The following VPS54 variants were observed in gnomAD, a reference collection of about 807,000 sequenced individuals.
The protein encoded by VPS54 is VPS54 subunit of GARP complex.
VPS54 carries 45 observed loss-of-function variants against 121.5 expected under a neutral mutation model. The observed-to-expected ratio is 0.37, with a 90% CI of 0.29 to 0.47. The LOEUF (loss-of-function observed/expected upper bound fraction) is 0.47. Among genes scored for constraint, VPS54 ranks in the 20% least tolerant of loss-of-function variants. The probability of loss-of-function intolerance (pLI) is 0.99; values close to 1 mark genes in which losing one functional copy is unlikely to be tolerated. For missense variants in VPS54, 1,090 were observed against 1,131.4 expected, an observed-to-expected ratio of 0.96 and a Z score of 0.52; for synonymous variants, 371 against 385.8, an observed-to-expected ratio of 0.96 and a Z score of 0.45.
intron 1 of VPS54, among the ~76,000 whole-genome samples, chr2:63,993,774 G>A (rs544992635): frequency 3.9e-5 from 6 of 152,214 alleles, no homozygotes; most frequent in Admixed American, 2.6e-4. Flanking sequence ...GTGGTCCCTC[G>A]ATTGACCAAA....
At chr2:64,008,913 C>T (rs1678296580) in intron 1 of VPS54, among the ~76,000 whole-genome samples, 1 of 152,096 alleles carries the variant, frequency 6.6e-6, no homozygotes, top group Non-Finnish European at 1.5e-5. Flanking sequence ...TCAAAATAAC[C>T]TAGTAAGAAA....
chr2:63,967,841 CT>C (rs1676080694), intron 5 of VPS54, among the ~76,000 whole-genome samples: 1 of 151,534 alleles, frequency 6.6e-6, no homozygotes, highest in South Asian at 2.1e-4. Flanking sequence ...CAATTATCTT[CT>C]GTTGGAAAGA....
At chr2:63,917,543 C>G (rs1673441196) in intron 15 of VPS54, among the ~76,000 whole-genome samples, 1 of 151,942 alleles carries the variant, frequency 6.6e-6, no homozygotes, top group South Asian at 2.1e-4. Flanking sequence ...GTGAAAAGAA[C>G]AGTGGACTGG....
At chr2:63,992,211 G>C (rs998249116) in intron 1 of VPS54, among the ~76,000 whole-genome samples, 8 of 152,210 alleles carry the variant, frequency 5.3e-5, no homozygotes, top group Non-Finnish European at 1.0e-4. Context: ...ACGTGGCCCT[G>C]GAAGGGGCTC....
chr2:63,994,495 G>A (rs964233848), intron 1 of VPS54, among the ~76,000 whole-genome samples: 15 of 152,232 alleles, frequency 9.9e-5, no homozygotes, highest in Admixed American at 5.2e-4. Flanking sequence ...ACAGATGACC[G>A]TTGCCCCGCT....
chr2:63,961,550 A>G (rs1265650348), intron 7 of VPS54, among the ~76,000 whole-genome samples: 1 of 152,212 alleles, frequency 6.6e-6, no homozygotes, highest in African/African-American at 2.4e-5. Flanking sequence ...TTCATATAAA[A>G]TATTTAAAAC....
intron 1 of VPS54, among the ~76,000 whole-genome samples, chr2:63,986,248 C>T (rs912367452): frequency 2.6e-5 from 4 of 152,082 alleles, no homozygotes. Context: ...ACCTATTAAC[C>T]ACCACTACCT....
chr2:63,961,060 A>G (rs895428370), intron 7 of VPS54, among the ~76,000 whole-genome samples: 3 of 152,188 alleles, frequency 2.0e-5, no homozygotes, highest in Admixed American at 6.5e-5. Flanking sequence ...ATTACACTAT[A>G]TCATAACTAT....
At chr2:64,018,284 G>T (rs575270172) in intron 1 of VPS54, among the ~76,000 whole-genome samples, 2 of 152,234 alleles carry the variant, frequency 1.3e-5, no homozygotes, top group Admixed American at 1.3e-4. Flanking sequence ...CAGTCAAAAT[G>T]CTAAAAATAC....
chr2:63,892,762 G>T lies in VPS54; in HGVS notation c.*668C>A, dbSNP rs964473808. 6.6e-6 allele frequency: 1 copy of T among 152,040 alleles called. No individual in the cohort carries two copies. The highest frequency in any genetic ancestry group is 1.5e-5 in the Non-Finnish European group (1 of 67,976). The allele number at this position is 152,040 out of a possible 1,614,324, so 9.4% of individuals were successfully genotyped here. A position where few individuals can be genotyped will look rare whatever the true frequency, so the allele number is the denominator to read the frequency against. ...TTAAGTATTAATTACTTAAAAAAAG[G>T]CTTAAGTCTTTCAGGTATTTAGAGA... On this transcript the variant is annotated 3_prime_UTR_variant, in exon 23 of 23. Coordinates refer to ENST00000272322, the MANE Select transcript of VPS54 (RefSeq NM_016516.3).
rs143142023 is a variant in VPS54, at chr2:63,992,004, T to G, written c.-20-7985A>C. 9.8e-5 allele frequency among the ~76,000 whole-genome samples: 15 copies of G among 152,332 alleles called. No individual in the cohort carries two copies. The East Asian group carries it at 2.9e-3, about 29-fold the overall frequency. On this transcript the variant is annotated intron_variant, in intron 1 of 22. Coordinates refer to ENST00000272322, the MANE Select transcript of VPS54 (RefSeq NM_016516.3). The stretch of plus-strand genomic sequence containing the variant: ...GGTCACTGGCCCTTTACCTCAAGGT[T>G]TGGTGAGCCTGGTGTTAGGTAGGGC...
At chr2:63,954,099 A>G (rs1239529008) in intron 7 of VPS54, among the ~76,000 whole-genome samples, 1 of 152,190 alleles carries the variant, frequency 6.6e-6, no homozygotes, top group African/African-American at 2.4e-5. Flanking sequence ...TACTACCCAT[A>G]TGGATTTCTA....
At chr2:64,000,560 G>A (rs192935115) in intron 1 of VPS54, among the ~76,000 whole-genome samples, 11 of 152,334 alleles carry the variant, frequency 7.2e-5, no homozygotes, top group Middle Eastern at 6.8e-3. Context: ...TAATGGATTT[G>A]GGTGTTGTGA....
chr2:63,943,464 C>T (rs1376507783), intron 10 of VPS54, among the ~76,000 whole-genome samples: 5 of 152,130 alleles, frequency 3.3e-5, no homozygotes, highest in Non-Finnish European at 7.4e-5. Context: ...TGTTTTCCAA[C>T]CACTAACAAT....
rs369905395 is a variant in VPS54 at position 63,916,885 on chromosome 2, A to T, written c.2228+15T>A. The stretch of plus-strand genomic sequence containing the variant: ...AATAGTTGACTCAACTACTAAAGAA[A>T]AATGTGTCACTCACCCAACAACTGC... On this transcript the variant is annotated intron_variant, in intron 16 of 22. Coordinates refer to ENST00000272322, the MANE Select transcript of VPS54 (RefSeq NM_016516.3). The T allele has an allele frequency of 2.5e-6, 4 of 1,613,004 alleles. No individual in the cohort carries two copies. The highest frequency in any genetic ancestry group is 3.4e-6 in the Non-Finnish European group (4 of 1,179,328).
intron 1 of VPS54, among the ~76,000 whole-genome samples, chr2:63,995,506 T>C (rs1322521762): frequency 6.6e-6 from 1 of 152,246 alleles, no homozygotes; most frequent in Non-Finnish European, 1.5e-5. Flanking sequence ...GCTGTGATCA[T>C]GGGCCTAATT....
intron 11 of VPS54, among the ~76,000 whole-genome samples, chr2:63,938,484 G>A (rs1288138647): frequency 6.6e-6 from 1 of 152,102 alleles, no homozygotes; most frequent in Admixed American, 6.5e-5. Context: ...ATTATTTTGA[G>A]ACAAACTTTC....
In VPS54 at chr2:64,003,703, C is replaced by A. The variant is rs567974487; in HGVS notation, c.-21+15235G>T. ...CTGGGCTAATAAGGAAAAGAAAAAACAATCATCCATTCCAAAAAAAAAGGA... is the reference window on the plus strand; with the variant it reads ...CTGGGCTAATAAGGAAAAGAAAAAAAAATCATCCATTCCAAAAAAAAAGGA... On this transcript the variant is annotated intron_variant, in intron 1 of 22. Transcript: ENST00000272322. Among the ~76,000 whole-genome samples the A allele has an allele frequency of 2.0e-5, 3 of 151,988 alleles. No individual in the cohort carries two copies. In the South Asian group the frequency reaches 6.2e-4, roughly 32 times the overall value.
At chr2:63,977,189 T>C (rs1676582110) in intron 3 of VPS54, among the ~76,000 whole-genome samples, 1 of 152,292 alleles carries the variant, frequency 6.6e-6, no homozygotes, top group Non-Finnish European at 1.5e-5. Context: ...AAGAACCAGC[T>C]TTTGCTTTTG....
Sources: allele counts gnomAD v4.1 joint callset (sites outside exome capture counted in the v4.1 genomes callset), GRCh38; gene constraint gnomAD v4.1.1; transcripts MANE v1.5; gene names NCBI Gene and HGNC (gene_info 2026-07-23, HGNC 2026-07-21).